Variants in SETBP1 observed in about 807,000 individuals in gnomAD.
The protein encoded by SETBP1 is SET-binding protein.
In SETBP1, 9 loss-of-function variants were observed where a neutral mutation model predicts 101.0. The ratio of observed to expected loss-of-function variants is 0.09; its 90% CI spans 0.05 to 0.16. The LOEUF is 0.16. Ranked by LOEUF, SETBP1 falls within the 10% of genes least tolerant of loss-of-function variation. The pLI, the probability that SETBP1 is intolerant of heterozygous loss-of-function variation, is 1.00. For synonymous variants in SETBP1, 818 were observed against 788.5 expected, an observed-to-expected ratio of 1.04 and a Z score of -0.63; for missense variants, 1,858 against 2,033.8, an observed-to-expected ratio of 0.91 and a Z score of 1.66.
chr18:44,741,815 C>A (rs1406155117), intron 2 of SETBP1, among the ~76,000 whole-genome samples: 1 of 152,204 alleles, frequency 6.6e-6, no homozygotes, highest in East Asian at 1.9e-4. Flanking sequence ...CCTGACGCTT[C>A]CTATTTTCAA....
At chr18:44,752,587 G>C (rs1043482455) in intron 2 of SETBP1, among the ~76,000 whole-genome samples, 1 of 152,196 alleles carries the variant, frequency 6.6e-6, no homozygotes, top group Non-Finnish European at 1.5e-5. Flanking sequence ...AAAGAAATGA[G>C]TATACTGGAC....
In SETBP1 at chr18:44,899,294, A is replaced by G. The variant is rs937970417; in HGVS notation, c.540+30011A>G. Among the ~76,000 whole-genome samples, 4 of 152,332 alleles carry G rather than the reference A, an allele frequency of 2.6e-5. No individual in the cohort carries two copies. The East Asian group carries it at 7.7e-4, about 29-fold the overall frequency. ...AGTAAATTTTTAAATAAATAGTCAC[A>G]TTTGTCGAGTAATTTCCAGACACCA... On this transcript the variant is annotated intron_variant, in intron 3 of 5. Transcript: ENST00000649279.
At chr18:45,005,243 T>G (rs1208491035) in intron 4 of SETBP1, among the ~76,000 whole-genome samples, 3 of 152,116 alleles carry the variant, frequency 2.0e-5, no homozygotes, top group Non-Finnish European at 4.4e-5. Flanking sequence ...TCTCCCAAAT[T>G]AAGGTGCTTT....
chr18:44,947,785 G>A (rs896200100), intron 3 of SETBP1, among the ~76,000 whole-genome samples: 4 of 152,106 alleles, frequency 2.6e-5, no homozygotes, highest in East Asian at 1.9e-4. Context: ...AACTACAGGC[G>A]TGAGCCACTA....
chr18:44,821,106 G>T (rs908142686), intron 2 of SETBP1, among the ~76,000 whole-genome samples: 1 of 152,154 alleles, frequency 6.6e-6, no homozygotes, highest in South Asian at 2.1e-4. Flanking sequence ...CTAGGTTGGG[G>T]GTAGGAAGAC....
chr18:44,726,346 CAAAT>C (rs893038167), intron 2 of SETBP1, among the ~76,000 whole-genome samples: 2 of 152,116 alleles, frequency 1.3e-5, no homozygotes, highest in African/African-American at 4.8e-5. Flanking sequence ...TATGAATAAT[CAAAT>C]AATAATACTT....
intron 2 of SETBP1, among the ~76,000 whole-genome samples, chr18:44,702,258 G>C (rs752124010): frequency 6.6e-6 from 1 of 152,160 alleles, no homozygotes; most frequent in Admixed American, 6.5e-5. Flanking sequence ...AGAAGAGGAA[G>C]GGTTGGTCTT....
At chr18:44,718,615 T>C (rs2069518275) in intron 2 of SETBP1, among the ~76,000 whole-genome samples, 1 of 152,212 alleles carries the variant, frequency 6.6e-6, no homozygotes, top group African/African-American at 2.4e-5. Flanking sequence ...ATATATTTTC[T>C]TCAGTAACAC....
At chr18:44,889,255 G>C (rs543737033) in intron 3 of SETBP1, among the ~76,000 whole-genome samples, 1 of 152,062 alleles carries the variant, frequency 6.6e-6, no homozygotes, top group Non-Finnish European at 1.5e-5. Context: ...CATTTTTCTT[G>C]CCAAACCAGG....
intron 2 of SETBP1, among the ~76,000 whole-genome samples, chr18:44,825,382 C>T (rs745607757): frequency 3.3e-5 from 5 of 152,168 alleles, no homozygotes; most frequent in Admixed American, 2.0e-4. Context: ...TTTGTTTAAC[C>T]GAGAGCACAG....
intron 2 of SETBP1, among the ~76,000 whole-genome samples, chr18:44,727,605 A>T (rs963052324): frequency 3.9e-5 from 6 of 152,206 alleles, no homozygotes; most frequent in Non-Finnish European, 5.9e-5. Context: ...ACAATCATTT[A>T]CGCAACCCCT....
chr18:45,005,179 T>G (rs2072698916), intron 4 of SETBP1, among the ~76,000 whole-genome samples: 1 of 152,200 alleles, frequency 6.6e-6, no homozygotes, highest in Non-Finnish European at 1.5e-5. Flanking sequence ...ATAGTCACAT[T>G]GTGTTCCCTG....
At chr18:44,790,730 G>A (rs2071352159) in intron 2 of SETBP1, among the ~76,000 whole-genome samples, 1 of 152,174 alleles carries the variant, frequency 6.6e-6, no homozygotes, top group Non-Finnish European at 1.5e-5. Context: ...TGGTCTGGGA[G>A]GTGCTGCCTG....
chr18:44,949,237 C>T (rs1036429131), intron 3 of SETBP1, among the ~76,000 whole-genome samples: 6 of 152,190 alleles, frequency 3.9e-5, no homozygotes, highest in African/African-American at 1.4e-4. Flanking sequence ...AGGCTTCATA[C>T]TTCTCTCCTT....
At chr18:44,806,481 T>C (rs1424840857) in intron 2 of SETBP1, among the ~76,000 whole-genome samples, 2 of 152,120 alleles carry the variant, frequency 1.3e-5, no homozygotes, top group Non-Finnish European at 2.9e-5. Context: ...AAGATATCTA[T>C]ATATTTATGT....
chr18:44,898,983 A>T (rs1028430647), intron 3 of SETBP1, among the ~76,000 whole-genome samples: 11 of 152,194 alleles, frequency 7.2e-5, no homozygotes, highest in Non-Finnish European at 1.3e-4. Flanking sequence ...CCAAATGGAA[A>T]TACTCTCTGC....
At chr18:44,965,312 C>CACACACACACACACAG (rs992242128) in intron 4 of SETBP1, among the ~76,000 whole-genome samples, 1 of 151,542 alleles carries the variant, frequency 6.6e-6, no homozygotes, top group East Asian at 1.9e-4. Context: ...CACACACACA[C>CACACACACACACACAG]AGATCACTCA....
chr18:44,695,903 A>G (rs1447025460), intron 1 of SETBP1, among the ~76,000 whole-genome samples: 9 of 151,796 alleles, frequency 5.9e-5, no homozygotes, highest in African/African-American at 2.4e-5. Flanking sequence ...TGAGGCTGAA[A>G]GAGGCTTATG....
intron 2 of SETBP1, among the ~76,000 whole-genome samples, chr18:44,729,412 G>T (rs960543539): frequency 1.3e-5 from 2 of 152,202 alleles, no homozygotes; most frequent in South Asian, 2.1e-4. Flanking sequence ...CATCAGAAGG[G>T]AATTGATATA....
Sources: allele counts gnomAD v4.1 joint callset (sites outside exome capture counted in the v4.1 genomes callset), GRCh38; gene constraint gnomAD v4.1.1; transcripts MANE v1.5; gene names NCBI Gene and HGNC (gene_info 2026-07-23, HGNC 2026-07-21).